GSE1: variants seen among roughly 807,000 people sequenced by gnomAD.
GSE1 encodes the protein Gse1 coiled-coil protein.
In GSE1, 32 loss-of-function variants were observed where a neutral mutation model predicts 112.6. The observed-to-expected ratio is 0.28, with a 90% confidence interval of 0.21 to 0.38. GSE1 has a LOEUF of 0.38. Among genes scored for constraint, GSE1 ranks in the 10% least tolerant of loss-of-function variants. The pLI, the probability that GSE1 is intolerant of heterozygous loss-of-function variation, is 1.00. For synonymous variants in GSE1, 1,115 were observed against 735.6 expected (o/e 1.52, Z -8.35); for missense variants, 2,348 against 1,699.2 (o/e 1.38, Z -6.71).
intron 2 of GSE1, among the ~76,000 whole-genome samples, chr16:85,390,627 G>A (rs887325640): frequency 2.6e-5 from 4 of 152,072 alleles, no homozygotes; most frequent in African/African-American, 4.8e-5. Flanking sequence ...TTTACTGTGC[G>A]GATATTTTAA....
At chr16:85,365,591 G>A (rs550959184) in intron 2 of GSE1, among the ~76,000 whole-genome samples, 1 of 152,342 alleles carries the variant, frequency 6.6e-6, no homozygotes, top group African/African-American at 2.4e-5. Context: ...ACATTCAGTA[G>A]ATGGAACCAC....
intron 1 of GSE1, among the ~76,000 whole-genome samples, chr16:85,614,083 C>G (rs892797080): frequency 6.7e-6 from 1 of 150,356 alleles, no homozygotes; most frequent in African/African-American, 2.4e-5. Flanking sequence ...GGCTCCCTGC[C>G]CCTCCCCTCC....
At chr16:85,656,213 C>G in intron 6 of GSE1, 130 bp from the exon 7 acceptor site, 10 of 1,182,320 alleles carry the variant, frequency 8.5e-6, no homozygotes, top group Non-Finnish European at 1.2e-5. Flanking sequence ...CAGTGAAACC[C>G]GGCTCACCTC....
intron 1 of GSE1, among the ~76,000 whole-genome samples, chr16:85,201,982 A>G (rs532092712): frequency 6.6e-6 from 1 of 152,362 alleles, no homozygotes; most frequent in Admixed American, 6.5e-5. Flanking sequence ...AGAGAGATAC[A>G]TTTTAATGTT....
chr16:85,272,633 G>A (rs1908955060), intron 1 of GSE1, among the ~76,000 whole-genome samples: 1 of 152,144 alleles, frequency 6.6e-6, no homozygotes, highest in South Asian at 2.1e-4. Context: ...GGGAGCCTGG[G>A]CTGACTGTGG....
chr16:85,625,222 G>A (rs755034806), intron 1 of GSE1, among the ~76,000 whole-genome samples: 1 of 152,130 alleles, frequency 6.6e-6, no homozygotes, highest in African/African-American at 2.4e-5. Context: ...TCATCTGCCC[G>A]GCCTGCTTCT....
At chr16:85,252,375 C>T (rs1294019555) in intron 1 of GSE1, among the ~76,000 whole-genome samples, 1 of 152,230 alleles carries the variant, frequency 6.6e-6, no homozygotes, top group Non-Finnish European at 1.5e-5. Flanking sequence ...CTTCCTCCCT[C>T]CCCTTGTTGC....
upstream of GSE1, among the ~76,000 whole-genome samples, chr16:85,609,068 G>A (rs983234136): frequency 5.3e-5 from 8 of 152,208 alleles, no homozygotes; most frequent in Non-Finnish European, 8.8e-5. Flanking sequence ...ACAGTCACGG[G>A]TGGCGCCCGC....
chr16:85,237,062 A>G (rs1597870193), intron 1 of GSE1, among the ~76,000 whole-genome samples: 1 of 152,226 alleles, frequency 6.6e-6, no homozygotes, highest in East Asian at 1.9e-4. Flanking sequence ...GCCGTGGCTC[A>G]TGCCTGTAAT....
At chr16:85,611,777 G>C (rs1019442212), upstream of GSE1, among the ~76,000 whole-genome samples, 1 of 151,676 alleles carries the variant, frequency 6.6e-6, no homozygotes, top group Non-Finnish European at 1.5e-5. Context: ...AACGCTCTAG[G>C]CCCGCCAGCG....
At chr16:85,621,893 G>A (rs2048764752) in intron 1 of GSE1, among the ~76,000 whole-genome samples, 1 of 152,172 alleles carries the variant, frequency 6.6e-6, no homozygotes, top group East Asian at 1.9e-4. Context: ...TCCCCATGCA[G>A]CCTTCAGGAC....
At chr16:85,440,540 G>A (rs1031353438) in intron 2 of GSE1, among the ~76,000 whole-genome samples, 22 of 152,186 alleles carry the variant, frequency 1.4e-4, no homozygotes, top group African/African-American at 5.1e-4. Context: ...ATGAGGACTC[G>A]GCTGCTGATC....
intron 1 of GSE1, among the ~76,000 whole-genome samples, chr16:85,567,372 C>G (rs2045802587): frequency 6.6e-6 from 1 of 151,700 alleles, no homozygotes; most frequent in Non-Finnish European, 1.5e-5. Flanking sequence ...CCCAGCTACA[C>G]CTGGGGCCTC....
intron 1 of GSE1, among the ~76,000 whole-genome samples, chr16:85,565,582 A>G (rs2045712967): frequency 6.6e-6 from 1 of 152,064 alleles, no homozygotes; most frequent in African/African-American, 2.4e-5. Flanking sequence ...AGCTCTGGAG[A>G]GAAGGGGAAG....
chr16:85,261,995 G>A (rs538205232), intron 1 of GSE1, among the ~76,000 whole-genome samples: 8 of 152,044 alleles, frequency 5.3e-5, no homozygotes. Context: ...TTTACAGATG[G>A]GCAGACTGAG....
At chr16:85,556,143 C>CGGG (rs60654672) in exon 1 of GSE1, 32 of 860,268 alleles carry the variant, frequency 3.7e-5, no homozygotes, top group Admixed American at 6.6e-5. Flanking sequence ...TCTTGCGGGG[C>CGGG]GGGGGGGGGA....
intron 2 of GSE1, among the ~76,000 whole-genome samples, chr16:85,435,729 G>T (rs200232415): frequency 1.2e-4 from 3 of 24,590 alleles, no homozygotes; most frequent in African/African-American, 7.6e-4. Context: ...CTCTCCTGAC[G>T]TCTCCACGCA....
chr16:85,315,931 G>GC (rs1373776150), intron 1 of GSE1, among the ~76,000 whole-genome samples: 4 of 152,146 alleles, frequency 2.6e-5, no homozygotes, highest in African/African-American at 9.7e-5. Flanking sequence ...CTAGTGGGAG[G>GC]GGGGGTGAAG....
At chr16:85,372,697 A>C (rs1481368810) in intron 2 of GSE1, among the ~76,000 whole-genome samples, 1 of 152,056 alleles carries the variant, frequency 6.6e-6, no homozygotes, top group Admixed American at 6.5e-5. Flanking sequence ...TAGATTCCAG[A>C]TCCCAGTTCC....
Sources: allele counts gnomAD v4.1 joint callset (sites outside exome capture counted in the v4.1 genomes callset), GRCh38; gene constraint gnomAD v4.1.1; transcripts MANE v1.5; gene names NCBI Gene and HGNC (gene_info 2026-07-23, HGNC 2026-07-21).